Variants in CTNNA3 observed in about 807,000 individuals in gnomAD.
The protein encoded by CTNNA3 is catenin alpha 3, also known as catenin alpha-3.
Under a neutral mutation model 95.7 loss-of-function variants are expected in CTNNA3, and 76 were observed. The observed-to-expected ratio is 0.79, with a 90% CI of 0.66 to 0.96. CTNNA3 has a LOEUF of 0.96. Among genes scored for constraint, CTNNA3 ranks in the 40% least tolerant of loss-of-function variants. CTNNA3 has a pLI of 0.00. For missense variants in CTNNA3, 1,191 were observed against 1,089.8 expected, an observed-to-expected ratio of 1.09 and a Z score of -1.31; for synonymous variants, 431 against 374.4, an observed-to-expected ratio of 1.15 and a Z score of -1.74.
At position 66,379,253 on chromosome 10, in the gene CTNNA3, G is replaced by GC; in HGVS notation, c.1630dup (p.Ala544GlyfsTer11). 1 of 1,614,096 alleles carries GC rather than the reference G, an allele frequency of 6.2e-7. No homozygotes were observed. Among genetic ancestry groups the GC allele is most frequent in the Non-Finnish European group, 8.5e-7 (1 of 1,179,974 alleles). On this transcript the variant is annotated frameshift_variant, in exon 12 of 18. Coordinates refer to ENST00000433211, the MANE Select transcript of CTNNA3 (RefSeq NM_013266.4). LOFTEE classifies it high-confidence loss of function. ...CGTGACGATGTGAGCAACTCTTGCT[G>GC]CCCGGCCTCTGATAGCACCCGCAGC... is the stretch of plus-strand genomic sequence containing the variant.
At chr10:65,973,965 A>G (rs1458736847) in intron 16 of CTNNA3, among the ~76,000 whole-genome samples, 1 of 152,210 alleles carries the variant, frequency 6.6e-6, no homozygotes, top group Non-Finnish European at 1.5e-5. Context: ...AAGAAGACAT[A>G]CAAGTGGCCA....
At chr10:66,667,630 G>A (rs1170866693) in intron 9 of CTNNA3, among the ~76,000 whole-genome samples, 1 of 152,092 alleles carries the variant, frequency 6.6e-6, no homozygotes, top group African/African-American at 2.4e-5. Flanking sequence ...CTTTCTAACA[G>A]CCTAGTAAGC....
chr10:66,055,211 T>C (rs2080052817), intron 15 of CTNNA3, among the ~76,000 whole-genome samples: 2 of 152,210 alleles, frequency 1.3e-5, no homozygotes, highest in African/African-American at 4.8e-5. Context: ...ATGGGTCTTT[T>C]GTGGTTCCAT....
At chr10:67,319,613 T>C (rs1300557344) in intron 5 of CTNNA3, among the ~76,000 whole-genome samples, 1 of 152,098 alleles carries the variant, frequency 6.6e-6, no homozygotes, top group African/African-American at 2.4e-5. Context: ...TTCTAAGCAA[T>C]GGCCAGGTGC....
At chr10:67,324,655 A>AT (rs1354574905) in intron 5 of CTNNA3, among the ~76,000 whole-genome samples, 6 of 149,542 alleles carry the variant, frequency 4.0e-5, no homozygotes, top group Non-Finnish European at 7.4e-5. Flanking sequence ...TTTGTTGAGG[A>AT]TTTTTGCATC....
chr10:66,373,797 G>A (rs2092771827), intron 12 of CTNNA3, among the ~76,000 whole-genome samples: 1 of 152,174 alleles, frequency 6.6e-6, no homozygotes. Context: ...TTCAACAGAC[G>A]TAGTTCAATG....
chr10:66,278,982 A>T (rs937049921), intron 13 of CTNNA3, among the ~76,000 whole-genome samples: 2 of 152,120 alleles, frequency 1.3e-5, no homozygotes, highest in Non-Finnish European at 2.9e-5. Context: ...AGTCATTGGT[A>T]CAGGGCCACA....
chr10:66,902,606 A>G (rs1292647084), intron 7 of CTNNA3, among the ~76,000 whole-genome samples: 1 of 152,198 alleles, frequency 6.6e-6, no homozygotes, highest in African/African-American at 2.4e-5. Context: ...GGTTTTTTGA[A>G]AAGATCAACA....
At chr10:67,174,111 T>C (rs958698848) in intron 7 of CTNNA3, among the ~76,000 whole-genome samples, 22 of 152,214 alleles carry the variant, frequency 1.4e-4, no homozygotes, top group African/African-American at 5.3e-4. Context: ...TACTTTTATT[T>C]TACAAAAATT....
At chr10:66,823,399 T>C (rs1057198152) in intron 7 of CTNNA3, among the ~76,000 whole-genome samples, 2 of 152,162 alleles carry the variant, frequency 1.3e-5, no homozygotes, top group Non-Finnish European at 2.9e-5. Context: ...TAAAAAAAAA[T>C]TTCTTAAACA....
chr10:67,252,551 TTC>T (rs1866153178), intron 5 of CTNNA3, among the ~76,000 whole-genome samples: 1 of 152,216 alleles, frequency 6.6e-6, no homozygotes, highest in Admixed American at 6.5e-5. Flanking sequence ...CTCTAACTCT[TTC>T]TGTCTCAAAA....
chr10:66,080,417 C>A (rs1589342237), intron 14 of CTNNA3, among the ~76,000 whole-genome samples: 1 of 152,042 alleles, frequency 6.6e-6, no homozygotes, highest in Non-Finnish European at 1.5e-5. Flanking sequence ...TTATATATGT[C>A]ATTTGTGTAC....
At chr10:67,738,919 C>T (rs1841318586) in intron 1 of CTNNA3, among the ~76,000 whole-genome samples, 1 of 152,086 alleles carries the variant, frequency 6.6e-6, no homozygotes, top group South Asian at 2.1e-4. Context: ...ATGAACAAAG[C>T]CTCCAAGAAA....
chr10:66,374,426 C>G (rs2092777648), intron 12 of CTNNA3, among the ~76,000 whole-genome samples: 1 of 151,934 alleles, frequency 6.6e-6, no homozygotes, highest in Non-Finnish European at 1.5e-5. Context: ...ATTCCAACTG[C>G]AGGGATAGAA....
At chr10:67,458,140 T>G (rs1244579001) in intron 5 of CTNNA3, among the ~76,000 whole-genome samples, 1 of 152,084 alleles carries the variant, frequency 6.6e-6, no homozygotes, top group African/African-American at 2.4e-5. Flanking sequence ...CCTCCCCAGC[T>G]TCCCTCCCTC....
Position 66,065,184 on chromosome 10 carries a change from C to A in CTNNA3, c.2159+4124G>T, listed in dbSNP as rs570715952. Among the ~76,000 whole-genome samples, 43 of 152,048 alleles carry A rather than the reference C, an allele frequency of 2.8e-4. 1 individual carries two copies. The highest frequency in any genetic ancestry group is 1.0e-3 in the African/African-American group (43 of 41,520). On this transcript the variant is annotated intron_variant, in intron 15 of 17. Coordinates refer to ENST00000433211, the MANE Select transcript of CTNNA3 (RefSeq NM_013266.4). ...CTGATTCTCAGCTCATTCATTCAAGCTGTGACCAGAAGGAACAGCCATGTA... is the reference window on the plus strand; with the variant it reads ...CTGATTCTCAGCTCATTCATTCAAGATGTGACCAGAAGGAACAGCCATGTA...
chr10:66,773,467 C>A (rs755178991), intron 8 of CTNNA3, among the ~76,000 whole-genome samples: 3 of 152,128 alleles, frequency 2.0e-5, no homozygotes, highest in Non-Finnish European at 2.9e-5. Context: ...TGGAGAGGCC[C>A]TAAAACATTA....
intron 17 of CTNNA3, among the ~76,000 whole-genome samples, chr10:65,955,421 T>A (rs998283630): frequency 1.3e-5 from 2 of 152,202 alleles, no homozygotes; most frequent in African/African-American, 4.8e-5. Flanking sequence ...CTTCCAACAC[T>A]ATGTTGAATA....
chr10:67,659,010 A>C (rs994263907), intron 1 of CTNNA3, among the ~76,000 whole-genome samples: 1 of 152,218 alleles, frequency 6.6e-6, no homozygotes, highest in African/African-American at 2.4e-5. Context: ...AGATTCAAAC[A>C]AAATTAATTA....
Sources: allele counts gnomAD v4.1 joint callset (sites outside exome capture counted in the v4.1 genomes callset), GRCh38; gene constraint gnomAD v4.1.1; transcripts MANE v1.5; gene names NCBI Gene and HGNC (gene_info 2026-07-23, HGNC 2026-07-21).